PARP6: variants seen among roughly 807,000 people sequenced by gnomAD.
PARP6 encodes the protein poly(ADP-ribose) polymerase family member 6, also known as protein mono-ADP-ribosyltransferase PARP6.
In PARP6, 27 loss-of-function variants were observed where a neutral mutation model predicts 92.0. That is an observed-to-expected ratio of 0.29 (90% CI 0.22 to 0.40). PARP6 has a LOEUF of 0.40. Among genes scored for constraint, PARP6 ranks in the 10% least tolerant of loss-of-function variants. The pLI, the probability that PARP6 is intolerant of heterozygous loss-of-function variation, is 1.00. For missense variants in PARP6, 501 were observed against 784.5 expected (o/e 0.64, Z 4.32); for synonymous variants, 272 against 281.2 (o/e 0.97, Z 0.33).
chr15:72,251,229 A>G lies in PARP6; in HGVS notation c.1286T>C (p.Ile429Thr). ...QWIISSNRSH[I>T]VKLPLSRLKF... is the part of the protein sequence containing the mutation. ...TACCCTGCTGAGAGGTAGTTTGACA[A>G]TGTGTGACCTGTTGCTAGAGATGAT... Residue 429 changes from isoleucine to threonine, a missense_variant, in exon 17 of 24, where the codon ATT becomes ACT. By Grantham distance (89) the Ile-to-Thr change is moderately conservative. Transcript: ENST00000569795. The G allele has an allele frequency of 6.3e-7, 1 of 1,597,980 alleles. No individual in the cohort carries two copies. Among genetic ancestry groups the G allele is most frequent in the Non-Finnish European group, 8.6e-7 (1 of 1,165,838 alleles).
intron 14 of PARP6, 23 bp from the exon 15 acceptor site, chr15:72,254,543 G>C (rs778822764): frequency 6.3e-7 from 1 of 1,589,268 alleles, no homozygotes; most frequent in Non-Finnish European, 8.6e-7. Context: ...AATGGGAAGA[G>C]AAGAACCAAA....
chr15:72,265,359 C>T, intron 6 of PARP6, 54 bp downstream of exon 6: 1 of 1,480,144 alleles, frequency 6.8e-7, no homozygotes. Context: ...GCCTACATGA[C>T]AAATTCCACA....
Position 72,265,879 on chromosome 15 carries a change from C to T in PARP6, c.176+18G>A, listed in dbSNP as rs1246620875. ...AGAAGTGACTTGCTCCCCTGCCACC[C>T]CTGAAGTAGAGTCCCACCTGATGGA... On this transcript the variant is annotated intron_variant, in intron 5 of 23. Transcript: ENST00000569795. 1.3e-6 allele frequency: 2 copies of T among 1,558,822 alleles called. No homozygotes were observed. The highest frequency in any genetic ancestry group is 8.9e-7 in the Non-Finnish European group (1 of 1,129,620).
chr15:72,242,284 G>A lies in PARP6; in HGVS notation c.1642-64C>T, dbSNP rs535470027. On this transcript the variant is annotated intron_variant, in intron 21 of 23. Coordinates refer to ENST00000569795, the MANE Select transcript of PARP6 (RefSeq NM_001323532.2). This position sits in a 1 kb window ranked among gnomAD's most constrained non-coding sequence, Gnocchi z 4.3. Reference sequence around the variant, plus strand: ...GATGGGTACAGCTTTCCCTAGAGAGGCTGGTTAGCTGATGATTGGGAGTGG... The same window carrying A: ...GATGGGTACAGCTTTCCCTAGAGAGACTGGTTAGCTGATGATTGGGAGTGG... The A allele has an allele frequency of 6.6e-5, 85 of 1,284,586 alleles. No homozygotes were observed. Among genetic ancestry groups the A allele is most frequent in the Admixed American group, 5.0e-4 (29 of 58,258 alleles). The allele number at this position is 1,284,586 out of a possible 1,614,324, so 79.6% of individuals were successfully genotyped here. A position where few individuals can be genotyped will look rare whatever the true frequency, so the allele number is the denominator to read the frequency against.
intron 3 of PARP6, chr15:72,267,242 TTTTC>T: frequency 1.7e-6 from 1 of 589,780 alleles, no homozygotes; most frequent in Non-Finnish European, 3.0e-6. Flanking sequence ...TGTCTCATTA[TTTTC>T]TTTCTATCCT....
intron 13 of PARP6, among the ~76,000 whole-genome samples, chr15:72,256,910 C>T (rs1431072786): frequency 6.6e-6 from 1 of 152,144 alleles, no homozygotes; most frequent in Non-Finnish European, 1.5e-5. Context: ...CAGGGGCTCA[C>T]TCTGTTACCC....
At chr15:72,269,914 AAAAAG>A (rs1432976364) in intron 2 of PARP6, among the ~76,000 whole-genome samples, 4 of 151,016 alleles carry the variant, frequency 2.6e-5, no homozygotes, top group African/African-American at 9.8e-5. Context: ...AAAAAAAAAA[AAAAAG>A]AAAAAGAAAA....
intron 8 of PARP6, among the ~76,000 whole-genome samples, chr15:72,262,913 T>G (rs180969839): frequency 6.6e-6 from 1 of 152,350 alleles, no homozygotes; most frequent in African/African-American, 2.4e-5. Flanking sequence ...CCCACTATCA[T>G]GCCTTCCTTT....
chr15:72,257,475 G>C, intron 12 of PARP6, 35 bp from the exon 13 acceptor site: 1 of 1,546,184 alleles, frequency 6.5e-7, no homozygotes, highest in Non-Finnish European at 8.9e-7. Context: ...GTGGTGGGAT[G>C]GGGTGTGCAA....
intron 2 of PARP6, among the ~76,000 whole-genome samples, chr15:72,270,454 G>C (rs34346715): frequency 0.037 from 5,700 of 152,150 alleles, 188 homozygotes; most frequent in African/African-American, 0.089. Context: ...CTAATGGGCT[G>C]TCCTCAAAGT....
intron 18 of PARP6, 140 bp from the exon 19 acceptor site, chr15:72,250,232 A>C (rs2084171009): frequency 1.5e-6 from 1 of 657,022 alleles, no homozygotes. Flanking sequence ...ATGCACATGG[A>C]TACAGTCACA....
Position 72,242,542 on chromosome 15 carries a change from C to T in PARP6, c.1641+78G>A. 1.0e-6 allele frequency: 1 copy of T among 979,364 alleles called. No individual in the cohort carries two copies. The highest frequency in any genetic ancestry group is 1.7e-6 in the Non-Finnish European group (1 of 604,508). 60.7% of individuals were successfully genotyped at this position (979,364 alleles called of 1,614,324 possible). A position where few individuals can be genotyped will look rare whatever the true frequency, so the allele number is the denominator to read the frequency against. ...AATCACTCCCCAACCCATTCTCACC[C>T]CACTGTTTCCCTGTCCAGCTCTGGA... On this transcript the variant is annotated intron_variant, in intron 21 of 23. Coordinates refer to ENST00000569795, the MANE Select transcript of PARP6 (RefSeq NM_001323532.2). The surrounding 1 kb of genome is among the most constrained non-coding windows in gnomAD (Gnocchi z 4.3).
Position 72,267,513 on chromosome 15 carries a change from C to G in PARP6, c.-36G>C, listed in dbSNP as rs1216042027. ...GGTCACACACACTCTCAGGTCAGTGCTAGGCAGCACCCCTCCATACCACTA... is the reference window on the plus strand; with the variant it reads ...GGTCACACACACTCTCAGGTCAGTGGTAGGCAGCACCCCTCCATACCACTA... On this transcript the variant is annotated 5_prime_UTR_variant, in exon 3 of 24. It removes the in-frame stop codon of an upstream open reading frame in the 5' UTR. Coordinates refer to ENST00000569795, the MANE Select transcript of PARP6 (RefSeq NM_001323532.2). The G allele has an allele frequency of 1.2e-6, 2 of 1,613,420 alleles. No homozygotes were observed. Among genetic ancestry groups the G allele is most frequent in the Admixed American group, 3.3e-5 (2 of 59,988 alleles).
At chr15:72,245,024 A>C (rs2083441108) in intron 20 of PARP6, 1 of 152,414 alleles carries the variant, frequency 6.6e-6, no homozygotes, top group East Asian at 1.9e-4. Flanking sequence ...GAACTATCAG[A>C]TCTCATGAGA....
At chr15:72,262,770 T>G (rs535865959) in intron 8 of PARP6, among the ~76,000 whole-genome samples, 8 of 152,322 alleles carry the variant, frequency 5.3e-5, no homozygotes, top group Admixed American at 2.0e-4. Flanking sequence ...CTTTGTCTTC[T>G]GTGCCACCAT....
Position 72,242,454 on chromosome 15 carries a change from G to C in PARP6, c.1641+166C>G, listed in dbSNP as rs1331856653. 6.6e-6 allele frequency among the ~76,000 whole-genome samples: 1 copy of C among 152,108 alleles called. No homozygotes were observed. The highest frequency in any genetic ancestry group is 1.5e-5 in the Non-Finnish European group (1 of 68,026). The stretch of plus-strand genomic sequence containing the variant: ...CTCTGCTTTTATACTCATGACTTCA[G>C]CTACATATGACTCCAGACGTGTGTT... On this transcript the variant is annotated intron_variant, in intron 21 of 23. Transcript: ENST00000569795. The surrounding 1 kb of genome is among the most constrained non-coding windows in gnomAD (Gnocchi z 4.3).
chr15:72,253,886 C>T (rs1295489336), intron 15 of PARP6: 1 of 445,704 alleles, frequency 2.2e-6, no homozygotes, highest in African/African-American at 2.0e-5. Context: ...AATCATTCCT[C>T]CTAGGTGTAT....
chr15:72,259,484 T>C, intron 11 of PARP6, 124 bp downstream of exon 11: 1 of 745,238 alleles, frequency 1.3e-6, no homozygotes, highest in South Asian at 1.7e-5. Context: ...TCTTTCCTTC[T>C]ACCATTAGTT....
At chr15:72,251,170 G>A (rs760590923) in intron 17 of PARP6, 37 bp downstream of exon 17, 26 of 1,439,906 alleles carry the variant, frequency 1.8e-5, no homozygotes, top group Non-Finnish European at 2.5e-5. Flanking sequence ...CCCCTCACCA[G>A]AAATTTAAAG....
Sources: gnomAD v4.1 joint callset for allele counts (sites outside exome capture counted in the v4.1 genomes callset) on GRCh38, gnomAD v4.1.1 for gene constraint, Gnocchi (gnomAD v3.1) non-coding constraint, MANE v1.5 for transcripts, NCBI Gene and HGNC (gene_info 2026-07-23, HGNC 2026-07-21) for gene names.